BRD7: variants seen among roughly 807,000 people sequenced by gnomAD.
BRD7 encodes bromodomain-containing protein 7.
Under a neutral mutation model 82.1 loss-of-function variants are expected in BRD7, and 15 were observed. That is an observed-to-expected ratio of 0.18 (90% CI 0.12 to 0.28). BRD7 has a LOEUF of 0.28. Among genes scored for constraint, BRD7 ranks in the 10% least tolerant of loss-of-function variants. The pLI, the probability that BRD7 is intolerant of heterozygous loss-of-function variation, is 1.00. For synonymous variants in BRD7, 232 were observed against 266.9 expected, an observed-to-expected ratio of 0.87 and a Z score of 1.27; for missense variants, 638 against 779.9, an observed-to-expected ratio of 0.82 and a Z score of 2.17.
At chr16:50,355,168 G>A (rs2038683208) in intron 2 of BRD7, among the ~76,000 whole-genome samples, 1 of 152,096 alleles carries the variant, frequency 6.6e-6, no homozygotes, top group South Asian at 2.1e-4. Flanking sequence ...AAGCAACATA[G>A]TGTATATAGA....
chr16:50,320,568 T>C, intron 14 of BRD7, 95 bp downstream of exon 14: 1 of 1,364,944 alleles, frequency 7.3e-7, no homozygotes, highest in Non-Finnish European at 1.0e-6. Flanking sequence ...GATCTTCCTG[T>C]GGTGAATGGC....
intron 6 of BRD7, 75 bp from the exon 7 acceptor site, chr16:50,334,970 G>T (rs2037738106): frequency 7.4e-7 from 1 of 1,344,178 alleles, no homozygotes; most frequent in Non-Finnish European, 1.0e-6. Flanking sequence ...TTCCCCACAG[G>T]AGTTTATACT....
At chr16:50,356,239 T>C (rs2038726470) in intron 2 of BRD7, among the ~76,000 whole-genome samples, 1 of 152,232 alleles carries the variant, frequency 6.6e-6, no homozygotes, top group Non-Finnish European at 1.5e-5. Flanking sequence ...ATTAGCAATA[T>C]CTAGCAAAGC....
At chr16:50,354,683 A>G in intron 3 of BRD7, 110 bp downstream of exon 3, 1 of 1,436,296 alleles carries the variant, frequency 7.0e-7, no homozygotes, top group Non-Finnish European at 9.4e-7. Context: ...GAAAAAACTT[A>G]AAAATTCAAT....
intron 5 of BRD7, chr16:50,349,524 A>G (rs2038433682): frequency 2.1e-6 from 1 of 468,666 alleles, no homozygotes; most frequent in Non-Finnish European, 4.4e-6. Context: ...TACGATTGTA[A>G]GTTTCCTTGG....
At chr16:50,368,540 G>T (rs1320100671) in intron 1 of BRD7, 186 bp downstream of exon 1, 6 of 707,960 alleles carry the variant, frequency 8.5e-6, no homozygotes, top group South Asian at 7.9e-5. Flanking sequence ...GGACCAGGGG[G>T]ACCCGGGTTC....
chr16:50,343,000 C>T (rs1320908615), intron 5 of BRD7, among the ~76,000 whole-genome samples: 1 of 152,104 alleles, frequency 6.6e-6, no homozygotes, highest in Non-Finnish European at 1.5e-5. Context: ...TTTTCAGGTC[C>T]TTGTAAATTT....
intron 2 of BRD7, 124 bp downstream of exon 2, chr16:50,367,966 C>T: frequency 1.0e-6 from 1 of 970,678 alleles, no homozygotes; most frequent in Non-Finnish European, 1.6e-6. Context: ...CTGTCCTGCT[C>T]CTCCTCAAAC....
rs2036854680 is a variant in BRD7 at position 50,317,432 on chromosome 16, T to TATAAC, written c.*1774_*1778dup. ...AAGTCAGGAAGGTTTCTGTTGCTAA[T>TATAAC]ATAACATAGAAACACATTAGTGCAC... On this transcript the variant is annotated 3_prime_UTR_variant, in exon 17 of 17. Transcript: ENST00000394688. The TATAAC allele has an allele frequency of 1.3e-5, 2 of 150,746 alleles. No individual in the cohort carries two copies. Among genetic ancestry groups the TATAAC allele is most frequent in the Admixed American group, 6.6e-5 (1 of 15,242 alleles). The allele number at this position is 150,746 out of a possible 1,614,324, so 9.3% of individuals were successfully genotyped here. A position where few individuals can be genotyped will look rare whatever the true frequency, so the allele number is the denominator to read the frequency against.
intron 2 of BRD7, among the ~76,000 whole-genome samples, chr16:50,362,233 G>A (rs1220125302): frequency 6.6e-6 from 1 of 152,180 alleles, no homozygotes; most frequent in East Asian, 1.9e-4. Flanking sequence ...CCCTGCCTCT[G>A]TTAGGGCACT....
At chr16:50,354,766 G>C (rs751400057) in intron 3 of BRD7, 27 bp downstream of exon 3, 1 of 1,603,970 alleles carries the variant, frequency 6.2e-7, no homozygotes, top group Non-Finnish European at 8.5e-7. Flanking sequence ...TCCTCATTCA[G>C]GATAGTTAAT....
At chr16:50,340,201 T>C (rs754084566) in intron 5 of BRD7, 115 bp from the exon 6 acceptor site, 8 of 520,160 alleles carry the variant, frequency 1.5e-5, no homozygotes, top group Non-Finnish European at 2.4e-5. Context: ...TCCCTTTCTT[T>C]ATTTACTAAA....
Position 50,368,778 on chromosome 16 carries a change from C to A in BRD7, c.-4G>T, listed in dbSNP as rs765631524. ...GCTTCTTGTGCTTCTTGCCCATGTC[C>A]GACCGGGCCCCGGTGCCCGCCCCCC... On this transcript the variant is annotated 5_prime_UTR_variant, in exon 1 of 17. Coordinates refer to ENST00000394688, the MANE Select transcript of BRD7 (RefSeq NM_013263.5). 2.0e-6 allele frequency: 3 copies of A among 1,533,220 alleles called. No individual in the cohort carries two copies. In the African/African-American group the frequency reaches 4.3e-5, roughly 22 times the overall value. 95.0% of individuals were successfully genotyped at this position (1,533,220 alleles called of 1,614,324 possible). A position where few individuals can be genotyped will look rare whatever the true frequency, so the allele number is the denominator to read the frequency against.
At position 50,357,958 on chromosome 16, in the gene BRD7, C is replaced by T. The variant is rs535144444; in HGVS notation, c.259-3036G>A. ...ACGCATCACTGCACTCCAGCCTGGGCGACAGAACAAGACTCTGTCTCAAAA... is the reference window on the plus strand; with the variant it reads ...ACGCATCACTGCACTCCAGCCTGGGTGACAGAACAAGACTCTGTCTCAAAA... On this transcript the variant is annotated intron_variant, in intron 2 of 16. Coordinates refer to ENST00000394688, the MANE Select transcript of BRD7 (RefSeq NM_013263.5). 6.6e-5 allele frequency among the ~76,000 whole-genome samples: 10 copies of T among 152,058 alleles called. No homozygotes were observed. In the East Asian group the frequency reaches 1.7e-3, roughly 26 times the overall value.
intron 5 of BRD7, among the ~76,000 whole-genome samples, chr16:50,342,170 T>C (rs1363903966): frequency 6.6e-6 from 1 of 151,682 alleles, no homozygotes; most frequent in Non-Finnish European, 1.5e-5. Context: ...AGGAAAATCA[T>C]GCAGAAAAAA....
chr16:50,367,228 GTTA>G (rs2039182349), intron 2 of BRD7, among the ~76,000 whole-genome samples: 1 of 152,168 alleles, frequency 6.6e-6, no homozygotes, highest in African/African-American at 2.4e-5. Context: ...TAATAACAAT[GTTA>G]TTATTATTAG....
At chr16:50,355,872 G>A (rs531640611) in intron 2 of BRD7, among the ~76,000 whole-genome samples, 2 of 152,198 alleles carry the variant, frequency 1.3e-5, no homozygotes, top group East Asian at 3.9e-4. Context: ...CAAAATCCAT[G>A]AACCAAGTTA....
chr16:50,320,528 C>T (rs969060333), intron 14 of BRD7, 135 bp downstream of exon 14: 40 of 1,404,920 alleles, frequency 2.8e-5, no homozygotes, highest in Non-Finnish European at 3.6e-5. Context: ...ATCAACACGC[C>T]ATACCCATTC....
Position 50,344,535 on chromosome 16 carries a change from T to C in BRD7, c.592-4449A>G, listed in dbSNP as rs556149060. Among the ~76,000 whole-genome samples, 34 of 152,274 alleles carry C rather than the reference T, an allele frequency of 2.2e-4. 1 individual carries two copies. The South Asian group carries it at 7.0e-3, about 32-fold the overall frequency. Reference sequence around the variant, plus strand: ...AAACCTTGAAAAAAGATTAGACGAATGGCTAACTACATTAAATAGGGTAGA... The same window carrying C: ...AAACCTTGAAAAAAGATTAGACGAACGGCTAACTACATTAAATAGGGTAGA... On this transcript the variant is annotated intron_variant, in intron 5 of 16. Coordinates refer to ENST00000394688, the MANE Select transcript of BRD7 (RefSeq NM_013263.5).
Sources: allele counts gnomAD v4.1 joint callset (sites outside exome capture counted in the v4.1 genomes callset), GRCh38; gene constraint gnomAD v4.1.1; transcripts MANE v1.5; gene names NCBI Gene and HGNC (gene_info 2026-07-23, HGNC 2026-07-21).